ACOXL: variants seen among roughly 807,000 people sequenced by gnomAD.
ACOXL encodes the protein acyl-CoA oxidase like, also known as acyl-coenzyme A oxidase-like protein.
A neutral mutation model predicts 71.9 loss-of-function variants in ACOXL; 70 were observed. The observed-to-expected ratio is 0.97, with a 90% confidence interval of 0.80 to 1.19. The LOEUF (loss-of-function observed/expected upper bound fraction) is 1.19, where lower values mean the gene tolerates loss of function less well. ACOXL is among the 50% of genes most tolerant of loss of function. ACOXL has a pLI of 0.00. For synonymous variants in ACOXL, 253 were observed against 281.6 expected (o/e 0.90, Z 1.02); for missense variants, 703 against 736.3 (o/e 0.95, Z 0.52).
intron 16 of ACOXL, among the ~76,000 whole-genome samples, 181 bp from the exon 17 acceptor site, chr2:111,092,684 C>A (rs1462975265): frequency 1.8e-4 from 27 of 152,116 alleles, no homozygotes. Context: ...TCATAGAATT[C>A]TTTTAAAAAA....
chr2:110,967,965 C>T, intron 12 of ACOXL: 1 of 924,458 alleles, frequency 1.1e-6, no homozygotes, highest in Non-Finnish European at 1.8e-6. Flanking sequence ...AAAATAAATA[C>T]AACACACCCA....
At chr2:111,020,164 C>T (rs1282462080) in intron 14 of ACOXL, among the ~76,000 whole-genome samples, 1 of 152,144 alleles carries the variant, frequency 6.6e-6, no homozygotes, top group Non-Finnish European at 1.5e-5. Flanking sequence ...CTGGTGAATC[C>T]ACTTTCTTTT....
chr2:111,032,157 T>G (rs1006492455), intron 15 of ACOXL, among the ~76,000 whole-genome samples: 1 of 152,174 alleles, frequency 6.6e-6, no homozygotes, highest in Non-Finnish European at 1.5e-5. Context: ...GACCTCATCA[T>G]CAAATTAGCA....
chr2:110,966,617 C>T (rs1336738015), intron 12 of ACOXL, among the ~76,000 whole-genome samples: 3 of 152,256 alleles, frequency 2.0e-5, no homozygotes, highest in Non-Finnish European at 2.9e-5. Context: ...CTTGCCTCAC[C>T]TGACATCAAC....
intron 12 of ACOXL, among the ~76,000 whole-genome samples, chr2:110,979,462 G>A (rs1412679739): frequency 6.6e-6 from 1 of 152,166 alleles, no homozygotes; most frequent in Non-Finnish European, 1.5e-5. Context: ...CCAGGACGGT[G>A]CCCGTGGCCC....
At chr2:110,824,422 G>T (rs750136022) in intron 9 of ACOXL, among the ~76,000 whole-genome samples, 13 of 152,156 alleles carry the variant, frequency 8.5e-5, no homozygotes, top group Non-Finnish European at 1.9e-4. Flanking sequence ...TTCTGTTAGG[G>T]TCCCATAAAG....
chr2:110,862,381 A>G (rs1032019973), intron 10 of ACOXL, among the ~76,000 whole-genome samples: 9 of 152,210 alleles, frequency 5.9e-5, no homozygotes, highest in Non-Finnish European at 1.2e-4. Context: ...CTCAAGGCAG[A>G]GGAGGGCTTG....
chr2:110,820,623 G>C, intron 9 of ACOXL, among the ~76,000 whole-genome samples: 1 of 152,190 alleles, frequency 6.6e-6, no homozygotes, highest in Non-Finnish European at 1.5e-5. Flanking sequence ...GCGATAGACT[G>C]AGGAGGAGAG....
At chr2:111,020,489 G>A (rs1222172353) in intron 14 of ACOXL, among the ~76,000 whole-genome samples, 5 of 152,206 alleles carry the variant, frequency 3.3e-5, no homozygotes, top group Admixed American at 6.5e-5. Flanking sequence ...GGGTATTCTG[G>A]TGGAGAGAAT....
chr2:111,100,631 G>A (rs2069083040), intron 17 of ACOXL: 1 of 153,178 alleles, frequency 6.5e-6, no homozygotes, highest in Non-Finnish European at 1.5e-5. Flanking sequence ...GTGCACCTGA[G>A]GCTTTCTCCA....
In ACOXL at chr2:110,841,368, C is replaced by T. The variant is rs1375496800; in HGVS notation, c.754-3C>T. 2 of 1,607,286 alleles carry T rather than the reference C, an allele frequency of 1.2e-6. No individual in the cohort carries two copies. The highest frequency in any genetic ancestry group is 1.3e-5 in the African/African-American group (1 of 74,934). On this transcript the variant is annotated splice_polypyrimidine_tract_variant and splice_region_variant and intron_variant, in intron 9 of 17. Transcript: ENST00000439055. ...ATTTGTTTTTCTCTCTTTTTAATTA[C>T]AGCTTGGGTTGACGATAGCCATTCG...
intron 11 of ACOXL, among the ~76,000 whole-genome samples, chr2:110,915,590 AT>A (rs962696274): frequency 2.7e-5 from 4 of 149,396 alleles, no homozygotes; most frequent in Non-Finnish European, 3.0e-5. Context: ...CACCCAGCTA[AT>A]TTTTTTTTGT....
At chr2:110,818,408 A>ACATATAT (rs1279476284) in intron 9 of ACOXL, among the ~76,000 whole-genome samples, 4 of 131,678 alleles carry the variant, frequency 3.0e-5, no homozygotes, top group African/African-American at 1.2e-4. Flanking sequence ...AAAAAAAAAA[A>ACATATAT]ACATATATAT....
At chr2:110,830,933 A>C (rs543575526) in intron 9 of ACOXL, among the ~76,000 whole-genome samples, 1 of 152,352 alleles carries the variant, frequency 6.6e-6, no homozygotes, top group East Asian at 1.9e-4. Flanking sequence ...AAAATTCAGC[A>C]CCAATTCATA....
chr2:110,935,868 G>A (rs547601596), intron 12 of ACOXL, among the ~76,000 whole-genome samples: 10 of 151,722 alleles, frequency 6.6e-5, no homozygotes, highest in African/African-American at 2.2e-4. Context: ...TGGGGGGTGC[G>A]GGGTAGGGGA....
intron 12 of ACOXL, among the ~76,000 whole-genome samples, chr2:110,943,166 AAGGG>A (rs2060949890): frequency 1.4e-5 from 2 of 141,414 alleles, no homozygotes; most frequent in Admixed American, 7.2e-5. Flanking sequence ...GAAAAAGAAA[AAGGG>A]AGGGAGGGAA....
At chr2:110,881,455 A>G (rs1696633354) in intron 10 of ACOXL, among the ~76,000 whole-genome samples, 1 of 152,108 alleles carries the variant, frequency 6.6e-6, no homozygotes, top group Non-Finnish European at 1.5e-5. Context: ...GTAATCATAT[A>G]TATATATATG....
intron 16 of ACOXL, among the ~76,000 whole-genome samples, chr2:111,062,470 A>T (rs1172845006): frequency 6.6e-6 from 1 of 152,164 alleles, no homozygotes; most frequent in Non-Finnish European, 1.5e-5. Context: ...TATAGGATCT[A>T]TGGACATTTT....
At chr2:110,901,346 A>G (rs184388901) in intron 10 of ACOXL, among the ~76,000 whole-genome samples, 41 of 152,300 alleles carry the variant, frequency 2.7e-4, no homozygotes, top group African/African-American at 9.6e-4. Flanking sequence ...ACTATGTGAC[A>G]TTGACACCAG....
Sources: allele counts gnomAD v4.1 joint callset (sites outside exome capture counted in the v4.1 genomes callset), GRCh38; gene constraint gnomAD v4.1.1; transcripts MANE v1.5; gene names NCBI Gene and HGNC (gene_info 2026-07-23, HGNC 2026-07-21).